The following PPP3CC variants were observed in gnomAD, a reference collection of about 807,000 sequenced individuals.
PPP3CC encodes serine/threonine-protein phosphatase 2B catalytic subunit gamma isoform.
Under a neutral mutation model 60.3 loss-of-function variants are expected in PPP3CC, and 35 were observed. The observed-to-expected ratio is 0.58, with a 90% CI of 0.44 to 0.77. The LOEUF is 0.77. Among genes scored for constraint, PPP3CC ranks in the 30% least tolerant of loss-of-function variants. PPP3CC has a pLI of 0.00. For missense variants in PPP3CC, 570 were observed against 628.9 expected (o/e 0.91, Z 1.00); for synonymous variants, 206 against 224.3 (o/e 0.92, Z 0.73).
intron 3 of PPP3CC, among the ~76,000 whole-genome samples, chr8:22,481,345 A>AAAC (rs899585708): frequency 9.7e-5 from 14 of 144,004 alleles, no homozygotes; most frequent in Admixed American, 9.1e-4. Flanking sequence ...CAAGAAAAAT[A>AAAC]AATAATAATA....
intron 1 of PPP3CC, among the ~76,000 whole-genome samples, chr8:22,455,881 A>C (rs1172629701): frequency 2.6e-5 from 4 of 152,238 alleles, no homozygotes; most frequent in Admixed American, 1.3e-4. Context: ...TTCTGTGACT[A>C]TCAAAGACCA....
chr8:22,479,600 C>T (rs544641213), intron 3 of PPP3CC, among the ~76,000 whole-genome samples: 7 of 151,606 alleles, frequency 4.6e-5, no homozygotes, highest in South Asian at 2.1e-4. Context: ...AAAAATTAGC[C>T]AGGTGTGGTG....
chr8:22,491,624 T>C (rs1478484404), intron 3 of PPP3CC, among the ~76,000 whole-genome samples: 2 of 152,234 alleles, frequency 1.3e-5, no homozygotes, highest in Non-Finnish European at 2.9e-5. Flanking sequence ...TGGACATGTA[T>C]TGCTTTCATT....
At chr8:22,530,629 G>A (rs1201056106) in intron 10 of PPP3CC, among the ~76,000 whole-genome samples, 10 of 149,940 alleles carry the variant, frequency 6.7e-5, no homozygotes, top group African/African-American at 2.0e-4. Context: ...TCAGGAGATC[G>A]ACACCATGCT....
rs1838455650 is a variant in PPP3CC at position 22,493,058 on chromosome 8, T to C, written c.373-4943T>C. On this transcript the variant is annotated intron_variant, in intron 3 of 13. Transcript: ENST00000240139. ...AAGTTCCAGCTCTTGTGGAGAATTTTGATGAGGCTTCCAAGATGGAGAATT... is the reference window on the plus strand; with the variant it reads ...AAGTTCCAGCTCTTGTGGAGAATTTCGATGAGGCTTCCAAGATGGAGAATT... 4 of 1,462,402 alleles carry C rather than the reference T, an allele frequency of 2.7e-6. No homozygotes were observed. The Admixed American group carries it at 6.7e-5, about 25-fold the overall frequency. 90.6% of individuals were successfully genotyped at this position (1,462,402 alleles called of 1,614,324 possible).
At position 22,498,131 on chromosome 8, in the gene PPP3CC, C is replaced by A. The variant is rs1048466827; in HGVS notation, c.484+19C>A. ...CAGGAATGTAAGTATAATCACTCCTCTAGAACCTTTTTAGTTACCCTTTAA... is the reference window on the plus strand; with the variant it reads ...CAGGAATGTAAGTATAATCACTCCTATAGAACCTTTTTAGTTACCCTTTAA... On this transcript the variant is annotated intron_variant, in intron 4 of 13. Transcript: ENST00000240139. The A allele has an allele frequency of 6.6e-7, 1 of 1,523,532 alleles. No individual in the cohort carries two copies. The highest frequency in any genetic ancestry group is 9.1e-7 in the Non-Finnish European group (1 of 1,101,220). 94.4% of individuals were successfully genotyped at this position (1,523,532 alleles called of 1,614,324 possible).
At chr8:22,490,400 G>A (rs1282853190) in intron 3 of PPP3CC, among the ~76,000 whole-genome samples, 4 of 152,058 alleles carry the variant, frequency 2.6e-5, no homozygotes. Context: ...GAGAACCACT[G>A]TTGTAGTGCT....
intron 6 of PPP3CC, 60 bp from the exon 7 acceptor site, chr8:22,522,430 TC>T: frequency 7.4e-7 from 1 of 1,355,248 alleles, no homozygotes; most frequent in Non-Finnish European, 1.0e-6. Context: ...CTTTTCCCCA[TC>T]TTCCTATTAA....
intron 1 of PPP3CC, among the ~76,000 whole-genome samples, chr8:22,454,003 A>G (rs1333140467): frequency 1.3e-5 from 2 of 152,188 alleles, no homozygotes; most frequent in African/African-American, 4.8e-5. Flanking sequence ...CTTTACAAAC[A>G]CTGCACACTT....
At chr8:22,501,846 T>C (rs1838771354) in intron 4 of PPP3CC, among the ~76,000 whole-genome samples, 1 of 152,084 alleles carries the variant, frequency 6.6e-6, no homozygotes, top group African/African-American at 2.4e-5. Flanking sequence ...ACCTCCTCTC[T>C]GCCAAAAAGA....
chr8:22,506,734 G>A (rs1838932507), intron 4 of PPP3CC, among the ~76,000 whole-genome samples: 2 of 151,908 alleles, frequency 1.3e-5, no homozygotes, highest in African/African-American at 4.8e-5. Context: ...AAGGCCAGGA[G>A]ATTGAGACCA....
intron 1 of PPP3CC, among the ~76,000 whole-genome samples, chr8:22,466,012 A>G (rs984948738): frequency 2.7e-5 from 4 of 150,578 alleles, no homozygotes; most frequent in African/African-American, 9.8e-5. Flanking sequence ...GACCAGCCCC[A>G]GTGTGTGATG....
intron 3 of PPP3CC, among the ~76,000 whole-genome samples, chr8:22,494,789 A>G (rs1005718266): frequency 6.6e-6 from 1 of 152,100 alleles, no homozygotes; most frequent in Non-Finnish European, 1.5e-5. Context: ...TTCATAGTCT[A>G]TTTAGTGCCT....
intron 10 of PPP3CC, among the ~76,000 whole-genome samples, chr8:22,530,258 C>T (rs1839668507): frequency 6.6e-6 from 1 of 152,084 alleles, no homozygotes; most frequent in Non-Finnish European, 1.5e-5. Context: ...AACCGAATAT[C>T]CCCCTGGGCA....
intron 1 of PPP3CC, among the ~76,000 whole-genome samples, chr8:22,464,155 G>A (rs1042591097): frequency 6.6e-6 from 1 of 151,864 alleles, no homozygotes; most frequent in Non-Finnish European, 1.5e-5. Flanking sequence ...CTTATGATTT[G>A]TGAGGTTTTT....
At chr8:22,480,343 A>C (rs1183814421) in intron 3 of PPP3CC, among the ~76,000 whole-genome samples, 1 of 152,216 alleles carries the variant, frequency 6.6e-6, no homozygotes, top group South Asian at 2.1e-4. Context: ...AATAAGATCT[A>C]GTATCACTTA....
intron 3 of PPP3CC, among the ~76,000 whole-genome samples, chr8:22,490,432 C>A (rs1034180265): frequency 2.6e-5 from 4 of 151,872 alleles, no homozygotes; most frequent in African/African-American, 9.7e-5. Flanking sequence ...TGACTTTTTT[C>A]ACTTACCACT....
rs189747223 is a variant in PPP3CC, at chr8:22,459,198, A to G, written c.50-15756A>G. On this transcript the variant is annotated intron_variant, in intron 1 of 13. Transcript: ENST00000240139. Reference sequence around the variant, plus strand: ...CGTTCCGCCTCCACCTACACCTCCCAAGTAGCTGGAATTACAGGCACATGC... The same window carrying G: ...CGTTCCGCCTCCACCTACACCTCCCGAGTAGCTGGAATTACAGGCACATGC... Among the ~76,000 whole-genome samples, 200 of 152,170 alleles carry G rather than the reference A, an allele frequency of 1.3e-3. 2 individuals carry two copies. Among genetic ancestry groups the G allele is most frequent in the Non-Finnish European group, 4.4e-4 (30 of 68,006 alleles).
chr8:22,523,473 A>G (rs921260604), intron 8 of PPP3CC, among the ~76,000 whole-genome samples: 8 of 152,222 alleles, frequency 5.3e-5, no homozygotes, highest in Admixed American at 4.6e-4. Context: ...TTGTTTATAA[A>G]GTATGACTAT....
Sources: allele counts gnomAD v4.1 joint callset (sites outside exome capture counted in the v4.1 genomes callset), GRCh38; gene constraint gnomAD v4.1.1; transcripts MANE v1.5; gene names NCBI Gene and HGNC (gene_info 2026-07-23, HGNC 2026-07-21).